The following EPHA8 variants were observed in gnomAD, a reference collection of about 807,000 sequenced individuals.
EPHA8 encodes EPH receptor A8.
EPHA8 carries 58 observed loss-of-function variants against 103.6 expected under a neutral mutation model. That is an observed-to-expected ratio of 0.56 (90% confidence interval 0.45 to 0.70). The LOEUF (loss-of-function observed/expected upper bound fraction) is 0.70, where lower values mean the gene tolerates loss of function less well. Ranked by LOEUF, EPHA8 falls within the 30% of genes least tolerant of loss-of-function variation. The pLI is 0.00. For synonymous variants in EPHA8, 559 were observed against 572.5 expected (o/e 0.98, Z 0.34); for missense variants, 1,304 against 1,395.2 (o/e 0.93, Z 1.04).
At chr1:22,596,033 C>G (rs1641507520) in intron 8 of EPHA8, 73 bp from the exon 9 acceptor site, 2 of 1,407,478 alleles carry the variant, frequency 1.4e-6, no homozygotes, top group South Asian at 2.4e-5. Flanking sequence ...AGCCATGACT[C>G]GTTCCCTGGT....
intron 5 of EPHA8, among the ~76,000 whole-genome samples, chr1:22,590,005 C>T (rs1345203812): frequency 1.3e-5 from 2 of 152,210 alleles, no homozygotes; most frequent in African/African-American, 4.8e-5. Flanking sequence ...AGAGGCAGGG[C>T]TCAAACCCAG....
chr1:22,579,129 G>A (rs1411471643), intron 3 of EPHA8, among the ~76,000 whole-genome samples: 2 of 126,052 alleles, frequency 1.6e-5, no homozygotes, highest in Non-Finnish European at 3.7e-5. Flanking sequence ...GTGTATGTGT[G>A]CATGTGTGTG....
chr1:22,588,464 G>T (rs980703699), intron 4 of EPHA8, among the ~76,000 whole-genome samples: 1 of 152,196 alleles, frequency 6.6e-6, no homozygotes, highest in African/African-American at 2.4e-5. Flanking sequence ...ATTTTGTATC[G>T]GATCCGGCAC....
chr1:22,566,676 C>A (rs11580826), intron 1 of EPHA8, among the ~76,000 whole-genome samples: 4,326 of 152,224 alleles, frequency 0.028, 104 homozygotes, highest in Non-Finnish European at 0.04. Context: ...CTTCACAGTC[C>A]GGCAGCGCAA....
intron 1 of EPHA8, among the ~76,000 whole-genome samples, chr1:22,565,509 G>A (rs866037892): frequency 9.2e-5 from 14 of 152,170 alleles, no homozygotes; most frequent in South Asian, 4.1e-4. Flanking sequence ...GGAGGGAAGG[G>A]GACAGTTCGT....
At position 22,597,595 on chromosome 1, in the gene EPHA8, G is replaced by A; in HGVS notation, c.1931-81G>A. The stretch of plus-strand genomic sequence containing the variant: ...GACCCAGGGGTCTGGCAAGCCCAGG[G>A]GGTCCAAGGGCCTGGGAGGCTGGGG... On this transcript the variant is annotated intron_variant, in intron 10 of 16. Coordinates refer to ENST00000166244, the MANE Select transcript of EPHA8 (RefSeq NM_020526.5). The surrounding 1 kb of genome is among the most constrained non-coding windows in gnomAD (Gnocchi z 4.6). 6.5e-7 allele frequency: 1 copy of A among 1,547,860 alleles called. No individual in the cohort carries two copies. Among genetic ancestry groups the A allele is most frequent in the Non-Finnish European group, 8.7e-7 (1 of 1,145,284 alleles).
chr1:22,593,734 A>T (rs1168094480), intron 7 of EPHA8, 48 bp downstream of exon 7: 1 of 1,485,506 alleles, frequency 6.7e-7, no homozygotes, highest in Non-Finnish European at 8.9e-7. Flanking sequence ...AGGTGCCAGG[A>T]CCCTGGGGTC....
chr1:22,566,771 G>A (rs1412763368), intron 1 of EPHA8, among the ~76,000 whole-genome samples: 1 of 152,158 alleles, frequency 6.6e-6, no homozygotes, highest in African/African-American at 2.4e-5. Flanking sequence ...GCCTAATGGT[G>A]GCGTTCTCTT....
intron 3 of EPHA8, among the ~76,000 whole-genome samples, chr1:22,578,539 ATG>A (rs1467701135): frequency 2.3e-5 from 3 of 127,962 alleles, no homozygotes; most frequent in Non-Finnish European, 4.9e-5. Flanking sequence ...ATATGCGTGC[ATG>A]TGTGCGTGAG....
chr1:22,595,541 C>T (rs1270894182), intron 8 of EPHA8, among the ~76,000 whole-genome samples: 1 of 152,144 alleles, frequency 6.6e-6, no homozygotes, highest in East Asian at 1.9e-4. Context: ...AGTCTTCTTG[C>T]CAGAATCACA....
At position 22,572,526 on chromosome 1, in the gene EPHA8, CG is replaced by C. The variant is rs763071529; in HGVS notation, c.159+3174del. 9.2e-5 allele frequency among the ~76,000 whole-genome samples: 14 copies of C among 152,338 alleles called. No homozygotes were observed. The East Asian group carries it at 2.3e-3, about 25-fold the overall frequency. On this transcript the variant is annotated intron_variant, in intron 2 of 16. Coordinates refer to ENST00000166244, the MANE Select transcript of EPHA8 (RefSeq NM_020526.5). Reference sequence around the variant, plus strand: ...TCCCGGGAACTTCCGCATGCTGGGACGTGCTCCGCCTGCTCTGGCTAATTAA... The same window carrying C: ...TCCCGGGAACTTCCGCATGCTGGGACTGCTCCGCCTGCTCTGGCTAATTAA...
intron 3 of EPHA8, among the ~76,000 whole-genome samples, chr1:22,581,324 C>A (rs945027776): frequency 6.6e-6 from 1 of 152,180 alleles, no homozygotes; most frequent in African/African-American, 2.4e-5. Context: ...GCTGGTTGGC[C>A]GGTGCATACG....
In EPHA8 at chr1:22,588,933, T is replaced by C; in HGVS notation, c.1042T>C (p.Trp348Arg). Reference protein sequence around the residue: ...SVNGTSVTLEWAPPLDPGGRS... With the variant: ...SVNGTSVTLERAPPLDPGGRS... ...GAATGGGACATCAGTGACTCTGGAG[T>C]GGGCCCCTCCCCTGGACCCAGGTGG... Residue 348 changes from tryptophan to arginine, a missense_variant, in exon 5 of 17, where the codon TGG (tryptophan) becomes CGG (arginine). Transcript: ENST00000166244. 6.2e-7 allele frequency: 1 copy of C among 1,610,936 alleles called. No homozygotes were observed. The highest frequency in any genetic ancestry group is 1.3e-5 in the African/African-American group (1 of 75,006).
intron 3 of EPHA8, among the ~76,000 whole-genome samples, chr1:22,579,252 T>C (rs993739153): frequency 2.0e-5 from 3 of 151,992 alleles, no homozygotes; most frequent in Admixed American, 1.3e-4. Context: ...AGTATATGTG[T>C]ACATGTGCGT....
chr1:22,583,147 C>T (rs1006522706), intron 3 of EPHA8, among the ~76,000 whole-genome samples: 1 of 152,170 alleles, frequency 6.6e-6, no homozygotes, highest in Non-Finnish European at 1.5e-5. Flanking sequence ...TCCTGGCTCG[C>T]GGCCCAACAC....
At chr1:22,568,766 A>G (rs573268642) in intron 1 of EPHA8, among the ~76,000 whole-genome samples, 1 of 152,224 alleles carries the variant, frequency 6.6e-6, no homozygotes, top group African/African-American at 2.4e-5. Context: ...CAGTCCTCAG[A>G]TGGGAGGTAT....
chr1:22,579,063 ATGCATGTGTG>A (rs893432011), intron 3 of EPHA8, among the ~76,000 whole-genome samples: 1 of 141,806 alleles, frequency 7.1e-6, no homozygotes, highest in Non-Finnish European at 1.5e-5. Flanking sequence ...GCATGTATGT[ATGCATGTGTG>A]TGCATGTGTA....
intron 16 of EPHA8, 59 bp downstream of exon 16, chr1:22,601,532 C>T: frequency 6.2e-7 from 1 of 1,601,248 alleles, no homozygotes; most frequent in Non-Finnish European, 8.5e-7. Context: ...GGGACCCCTG[C>T]CGGGGAGGCT....
chr1:22,578,089 A>C (rs1388462647), intron 3 of EPHA8, among the ~76,000 whole-genome samples: 3 of 30,256 alleles, frequency 9.9e-5, no homozygotes, highest in Non-Finnish European at 2.1e-4. Flanking sequence ...ATGTGTGTGC[A>C]TGTAGCGTCA....
Sources: allele counts gnomAD v4.1 joint callset (sites outside exome capture counted in the v4.1 genomes callset), GRCh38; gene constraint gnomAD v4.1.1; non-coding constraint Gnocchi (gnomAD v3.1); transcripts MANE v1.5; gene names NCBI Gene and HGNC (gene_info 2026-07-23, HGNC 2026-07-21).